Variants in UACA observed in about 807,000 individuals in gnomAD.
The protein encoded by UACA is nuclear membrane binding protein.
UACA carries 112 observed loss-of-function variants against 160.5 expected under a neutral mutation model. That is an observed-to-expected ratio of 0.70 (90% CI 0.60 to 0.82). The LOEUF (loss-of-function observed/expected upper bound fraction) is 0.82, where lower values mean the gene tolerates loss of function less well. UACA is among the 40% of genes least tolerant of loss of function. The pLI, the probability that UACA is intolerant of heterozygous loss-of-function variation, is 0.00. For missense variants in UACA, 1,574 were observed against 1,614.6 expected (o/e 0.97, Z 0.43); for synonymous variants, 557 against 568.4 (o/e 0.98, Z 0.29).
In UACA at chr15:70,676,545, T is replaced by G. The variant is rs745631620; in HGVS notation, c.1079A>C (p.Glu360Ala). The G allele has an allele frequency of 1.9e-6, 3 of 1,613,006 alleles. No individual in the cohort carries two copies. The highest frequency in any genetic ancestry group is 1.1e-5 in the South Asian group (1 of 91,050). ...SLLAAKEKQHEESLRTIEALK... is the reference protein window; with the variant it reads ...SLLAAKEKQHAESLRTIEALK... ...AGCCTCAATAGTCCTTAAGCTTTCTTCATGTTGCTTTTCTTTAGCTGCCAA... is the reference window on the plus strand; with the variant it reads ...AGCCTCAATAGTCCTTAAGCTTTCTGCATGTTGCTTTTCTTTAGCTGCCAA... Residue 360 changes from glutamate to alanine, a missense_variant, in exon 13 of 19, where the codon GAA becomes GCA. By Grantham distance (107) the Glu-to-Ala change is moderately radical. Coordinates refer to ENST00000322954, the MANE Select transcript of UACA (RefSeq NM_018003.4).
chr15:70,774,545 C>CAAAAAAAAAAAAAAAAAAAAAAAAA, the UACA span, among the ~76,000 whole-genome samples: 244 of 82,222 alleles, frequency 3.0e-3, 6 homozygotes, highest in Middle Eastern at 8.3e-3. Context: ...GACTCTGTCT[C>CAAAAAAAAAAAAAAAAAAAAAAAAA]AAAAAAAAAA....
chr15:70,715,844 T>C (rs1365459653), intron 1 of UACA, among the ~76,000 whole-genome samples: 3 of 152,232 alleles, frequency 2.0e-5, no homozygotes, highest in African/African-American at 7.2e-5. Context: ...CAAAATTGTT[T>C]AGAAAAAACC....
chr15:70,720,757 T>C (rs1292597399), intron 1 of UACA, among the ~76,000 whole-genome samples: 1 of 152,198 alleles, frequency 6.6e-6, no homozygotes, highest in Non-Finnish European at 1.5e-5. Context: ...TGGTAGATTA[T>C]ATTACTGTTT....
chr15:70,768,606 T>C, the UACA span, among the ~76,000 whole-genome samples: 1 of 152,322 alleles, frequency 6.6e-6, no homozygotes, highest in Admixed American at 6.5e-5. Flanking sequence ...TGATTGCCTC[T>C]TTTAAAACAG....
chr15:70,765,482 C>T (rs777053506), upstream of UACA, among the ~76,000 whole-genome samples: 1 of 152,174 alleles, frequency 6.6e-6, no homozygotes, highest in Non-Finnish European at 1.5e-5. Context: ...TGGAAGTGAT[C>T]TCTCCATCCT....
At position 70,657,020 on chromosome 15, in the gene UACA, C is replaced by G; in HGVS notation, c.*36G>C. The G allele has an allele frequency of 6.3e-7, 1 of 1,579,288 alleles. No homozygotes were observed. The highest frequency in any genetic ancestry group is 2.2e-5 in the East Asian group (1 of 44,724). On this transcript the variant is annotated 3_prime_UTR_variant, in exon 19 of 19. Coordinates refer to ENST00000322954, the MANE Select transcript of UACA (RefSeq NM_018003.4). ...TTGCACAAAGAATGTTCAGCACCAG[C>G]AAGATAAAACAGATACTGGCAGTCA...
At chr15:70,696,605 A>T (rs1952934269) in intron 2 of UACA, among the ~76,000 whole-genome samples, 1 of 152,166 alleles carries the variant, frequency 6.6e-6, no homozygotes, top group Non-Finnish European at 1.5e-5. Context: ...GTTTCTGGTA[A>T]AAGGAATATA....
intron 1 of UACA, among the ~76,000 whole-genome samples, chr15:70,738,950 C>T (rs865845532): frequency 1.3e-5 from 2 of 152,152 alleles, no homozygotes; most frequent in South Asian, 4.1e-4. Flanking sequence ...GGGCTTGTTC[C>T]CAAGAAAGAA....
At chr15:70,699,400 T>A in intron 2 of UACA, 127 bp downstream of exon 2, 1 of 1,046,726 alleles carries the variant, frequency 9.6e-7, no homozygotes, top group Non-Finnish European at 1.4e-6. Context: ...TTTGAAAGAT[T>A]TTATAGTGCA....
chr15:70,750,401 T>C (rs2029973250), intron 1 of UACA, among the ~76,000 whole-genome samples: 1 of 152,122 alleles, frequency 6.6e-6, no homozygotes, highest in Admixed American at 6.5e-5. Context: ...CCCAATCCCC[T>C]TGCTATTGTT....
intron 1 of UACA, chr15:70,749,109 C>CAT (rs1416383801): frequency 9.3e-5 from 26 of 281,064 alleles, no homozygotes; most frequent in Non-Finnish European, 1.5e-4. Context: ...TTTTATTATA[C>CAT]ATATATAGAG....
intron 1 of UACA, chr15:70,701,875 ACT>A: frequency 1.2e-6 from 2 of 1,611,860 alleles, no homozygotes. Flanking sequence ...TGGGATACCT[ACT>A]CTGTTCTTAG....
chr15:70,764,642 T>C (rs2030959041), upstream of UACA, among the ~76,000 whole-genome samples: 1 of 152,252 alleles, frequency 6.6e-6, no homozygotes, highest in African/African-American at 2.4e-5. Context: ...CTTCAAATAC[T>C]GTAAGAAAGT....
chr15:70,754,877 TA>T (rs2030321656), intron 1 of UACA, among the ~76,000 whole-genome samples: 1 of 152,234 alleles, frequency 6.6e-6, no homozygotes, highest in African/African-American at 2.4e-5. Context: ...GTATTATGAT[TA>T]AGGAAAATAA....
At chr15:70,692,596 C>G (rs866648503) in intron 3 of UACA, among the ~76,000 whole-genome samples, 7 of 152,038 alleles carry the variant, frequency 4.6e-5, no homozygotes, top group Admixed American at 2.0e-4. Context: ...ATAGTGAAAT[C>G]CCATCTCTAC....
Position 70,657,093 on chromosome 15 carries a change from A to G in UACA, c.4214T>C (p.Leu1405Pro). Residue 1405 changes from leucine (L) to proline (P), a missense_variant, in exon 19 of 19, where the codon CTC becomes CCC. Coordinates refer to ENST00000322954, the MANE Select transcript of UACA (RefSeq NM_018003.4). ...CCCCTGCCGCATTTGTATGATCTGG[A>G]GCAGAGCCTCCTGAACATCTTCATC... is the stretch of plus-strand genomic sequence containing the variant. ...HMDEDVQEALLQIIQMRQGLV... is the reference protein window; with the variant it reads ...HMDEDVQEALPQIIQMRQGLV... 1.2e-6 allele frequency: 2 copies of G among 1,614,198 alleles called. No homozygotes were observed. Among genetic ancestry groups the G allele is most frequent in the Non-Finnish European group, 1.7e-6 (2 of 1,180,020 alleles).
chr15:70,668,706 A>AT lies in UACA; in HGVS notation c.1977dup (p.Ser660IlefsTer3), dbSNP rs1897027214. 6.2e-7 allele frequency: 1 copy of AT among 1,613,568 alleles called. No homozygotes were observed. The highest frequency in any genetic ancestry group is 1.3e-5 in the African/African-American group (1 of 74,802). On this transcript the variant is annotated frameshift_variant, in exon 16 of 19. Coordinates refer to ENST00000322954, the MANE Select transcript of UACA (RefSeq NM_018003.4). LOFTEE classifies it high-confidence loss of function. ...TTTAACTGTCTAATTTCACTAAGTG[A>AT]TTTTTCATGTTCTCTTTCCATTTCT...
At chr15:70,694,310 C>CTTCTTTGATGTACAAAT (rs1555412276) in intron 3 of UACA, among the ~76,000 whole-genome samples, 1 of 145,108 alleles carries the variant, frequency 6.9e-6, no homozygotes, top group Non-Finnish European at 1.5e-5. Flanking sequence ...GATGTACAAA[C>CTTCTTTGATGTACAAAT]CTTTGTTGTA....
At chr15:70,738,200 A>C (rs1439703383) in intron 1 of UACA, among the ~76,000 whole-genome samples, 1 of 151,982 alleles carries the variant, frequency 6.6e-6, no homozygotes, top group Non-Finnish European at 1.5e-5. Flanking sequence ...TCAGAATTAC[A>C]ATCACTTATT....
Sources: gnomAD v4.1 joint callset for allele counts (sites outside exome capture counted in the v4.1 genomes callset) on GRCh38, gnomAD v4.1.1 for gene constraint, MANE v1.5 for transcripts, NCBI Gene and HGNC (gene_info 2026-07-23, HGNC 2026-07-21) for gene names.